Variants in SEPTIN9 observed in about 807,000 individuals in gnomAD.
The protein encoded by SEPTIN9 is septin-9.
A neutral mutation model predicts 56.6 loss-of-function variants in SEPTIN9; 13 were observed. That is an observed-to-expected ratio of 0.23 (90% CI 0.15 to 0.37). The LOEUF (loss-of-function observed/expected upper bound fraction) is 0.37. Ranked by LOEUF, SEPTIN9 falls within the 10% of genes least tolerant of loss-of-function variation. The pLI is 1.00. For synonymous variants in SEPTIN9, 332 were observed against 334.1 expected, an observed-to-expected ratio of 0.99 and a Z score of 0.07; for missense variants, 650 against 823.1, an observed-to-expected ratio of 0.79 and a Z score of 2.57.
chr17:77,422,343 G>A (rs751583877), intron 3 of SEPTIN9, among the ~76,000 whole-genome samples: 1 of 152,188 alleles, frequency 6.6e-6, no homozygotes, highest in Non-Finnish European at 1.5e-5. Flanking sequence ...ACCCAGCCTC[G>A]GGGCCAGGCG....
chr17:77,281,513 G>A lies in SEPTIN9; in HGVS notation c.-23G>A, dbSNP rs2031017401. 1 of 1,547,410 alleles carries A rather than the reference G, an allele frequency of 6.5e-7. No individual in the cohort carries two copies. Among genetic ancestry groups the A allele is most frequent in the Non-Finnish European group, 8.7e-7 (1 of 1,146,212 alleles). ...GCTGCCTCGCCGCCACACTTTCCTG[G>A]GAGCGGCGGCCACGGAGGCACCATG... On this transcript the variant is annotated 5_prime_UTR_variant, in exon 1 of 12. Transcript: ENST00000427177.
chr17:77,368,639 A>G (rs948077997), intron 2 of SEPTIN9, among the ~76,000 whole-genome samples: 4 of 152,236 alleles, frequency 2.6e-5, no homozygotes, highest in Non-Finnish European at 5.9e-5. Flanking sequence ...TATTACATAT[A>G]TTTTATCACA....
At chr17:77,357,832 A>G (rs1041342131) in intron 2 of SEPTIN9, among the ~76,000 whole-genome samples, 1 of 152,074 alleles carries the variant, frequency 6.6e-6, no homozygotes, top group African/African-American at 2.4e-5. Flanking sequence ...ACCCAGGACC[A>G]CTTCTCACAA....
intron 1 of SEPTIN9, among the ~76,000 whole-genome samples, chr17:77,283,246 T>C (rs1169270200): frequency 1.3e-5 from 2 of 151,532 alleles, no homozygotes; most frequent in Admixed American, 1.3e-4. Context: ...GAACCAACTC[T>C]TGTACAGCAG....
Position 77,493,056 on chromosome 17 carries a change from C to T in SEPTIN9, c.1553C>T (p.Thr518Ile). The T allele has an allele frequency of 6.4e-7, 1 of 1,561,324 alleles. No individual in the cohort carries two copies. Among genetic ancestry groups the T allele is most frequent in the Non-Finnish European group, 8.7e-7 (1 of 1,153,052 alleles). ...VNGKRILGRKTKWGTIEVENT... is the reference protein window; with the variant it reads ...VNGKRILGRKIKWGTIEVENT... ...GGCAAGAGGATCCTTGGGAGGAAGA[C>T]CAAGTGGGGTACCATCGAAGGTACT... Residue 518 changes from threonine to isoleucine, a missense_variant, in exon 10 of 12, where the codon ACC becomes ATC. By Grantham distance (89) the Thr-to-Ile change is moderately conservative. Around this residue, in one of 2 missense-constraint regions of SEPTIN9, gnomAD observed 333 missense variants for 494.0 expected, o/e 0.67. Coordinates refer to ENST00000427177, the MANE Select transcript of SEPTIN9 (RefSeq NM_001113491.2).
At chr17:77,357,020 A>T (rs2627208) in intron 2 of SEPTIN9, among the ~76,000 whole-genome samples, 2 of 151,360 alleles carry the variant, frequency 1.3e-5, no homozygotes, top group Non-Finnish European at 2.9e-5. Context: ...GTCCAGAAGC[A>T]TCAACCTGGT....
rs919614679 is a variant in SEPTIN9 at position 77,450,655 on chromosome 17, C to A, written c.722-31489C>A. On this transcript the variant is annotated intron_variant, in intron 3 of 11. Coordinates refer to ENST00000427177, the MANE Select transcript of SEPTIN9 (RefSeq NM_001113491.2). This position sits in a 1 kb window ranked among gnomAD's most constrained non-coding sequence, Gnocchi z 6.0. ...GCTTGTGCCCCTCTGGGTCCCAGCA[C>A]ATCCCAGGCCTGCAGGGAGGGGGAG... The A allele has an allele frequency of 1.0e-6, 1 of 985,800 alleles. No homozygotes were observed. Among genetic ancestry groups the A allele is most frequent in the Non-Finnish European group, 1.2e-6 (1 of 830,348 alleles). The allele number at this position is 985,800 out of a possible 1,614,324, so 61.1% of individuals were successfully genotyped here. A position where few individuals can be genotyped will look rare whatever the true frequency, so the allele number is the denominator to read the frequency against.
At chr17:77,461,324 A>G (rs1383163549) in intron 3 of SEPTIN9, among the ~76,000 whole-genome samples, 2 of 152,058 alleles carry the variant, frequency 1.3e-5, no homozygotes, top group African/African-American at 4.8e-5. Context: ...AAAAATAAAT[A>G]AATAAAAATA....
chr17:77,403,611 A>G (rs2035974442), intron 3 of SEPTIN9, among the ~76,000 whole-genome samples: 1 of 152,158 alleles, frequency 6.6e-6, no homozygotes, highest in African/African-American at 2.4e-5. Flanking sequence ...CCATGGGGCT[A>G]TAGTAAGGTG....
chr17:77,309,560 C>G (rs887207994), intron 2 of SEPTIN9, among the ~76,000 whole-genome samples: 1 of 152,182 alleles, frequency 6.6e-6, no homozygotes, highest in Admixed American at 6.5e-5. Flanking sequence ...CCTCCCAGCC[C>G]AGCTTCTCTG....
intron 2 of SEPTIN9, among the ~76,000 whole-genome samples, chr17:77,342,924 G>A (rs1305752274): frequency 2.0e-5 from 3 of 152,212 alleles, no homozygotes; most frequent in Middle Eastern, 3.4e-3. Context: ...GTGGTGAGCC[G>A]AGATTGCACT....
intron 2 of SEPTIN9, among the ~76,000 whole-genome samples, chr17:77,343,503 A>G (rs1348799441): frequency 1.3e-5 from 2 of 152,166 alleles, no homozygotes; most frequent in Non-Finnish European, 2.9e-5. Flanking sequence ...TAAGTCAGCA[A>G]TTTTAAGTAA....
At chr17:77,349,659 C>A (rs1278454983) in intron 2 of SEPTIN9, among the ~76,000 whole-genome samples, 1 of 152,184 alleles carries the variant, frequency 6.6e-6, no homozygotes, top group Non-Finnish European at 1.5e-5. Flanking sequence ...CCTCCAGAAA[C>A]CAGAAACTTA....
chr17:77,356,326 G>A (rs1224256570), intron 2 of SEPTIN9, among the ~76,000 whole-genome samples: 3 of 152,108 alleles, frequency 2.0e-5, no homozygotes, highest in Non-Finnish European at 4.4e-5. Context: ...GGGACTCCGG[G>A]CTGAGCTCCT....
chr17:77,328,602 G>C (rs2033235066), intron 2 of SEPTIN9, among the ~76,000 whole-genome samples: 1 of 152,176 alleles, frequency 6.6e-6, no homozygotes, highest in South Asian at 2.1e-4. Flanking sequence ...CTGACCTCAA[G>C]TGATCCACCC....
chr17:77,372,012 T>G (rs944380677), intron 2 of SEPTIN9, among the ~76,000 whole-genome samples: 2 of 150,168 alleles, frequency 1.3e-5, no homozygotes, highest in Non-Finnish European at 1.5e-5. Flanking sequence ...TCAGAGGGGG[T>G]GGGGAGGGGC....
rs55839627 is a variant in SEPTIN9, at chr17:77,310,103, T to G, written c.76+2906T>G. On this transcript the variant is annotated intron_variant, in intron 2 of 11. Coordinates refer to ENST00000427177, the MANE Select transcript of SEPTIN9 (RefSeq NM_001113491.2). The surrounding 1 kb of genome is among the most constrained non-coding windows in gnomAD (Gnocchi z 4.7). ...AAGCGATTCTTCTGCCTCAGCCTCC[T>G]CAGTAGCCAGGATTACAGGCACCCG... Among the ~76,000 whole-genome samples the G allele has an allele frequency of 6.6e-6, 1 of 151,974 alleles. No homozygotes were observed. The highest frequency in any genetic ancestry group is 1.5e-5 in the Non-Finnish European group (1 of 67,980).
intron 3 of SEPTIN9, chr17:77,466,594 G>A: frequency 1.0e-6 from 1 of 985,624 alleles, no homozygotes; most frequent in Non-Finnish European, 1.2e-6. Flanking sequence ...TCCTCGGGAG[G>A]AGGAGAAAGA....
At chr17:77,373,349 G>A in intron 2 of SEPTIN9, 3 of 1,187,108 alleles carry the variant, frequency 2.5e-6, no homozygotes, top group Non-Finnish European at 3.1e-6. Flanking sequence ...TCATTCAGCT[G>A]AGCCAGGGGG....
Sources: gnomAD v4.1 joint callset for allele counts (sites outside exome capture counted in the v4.1 genomes callset) on GRCh38, gnomAD v4.1.1 for gene constraint, gnomAD v4.1.1 regional missense constraint, Gnocchi (gnomAD v3.1) non-coding constraint, MANE v1.5 for transcripts, NCBI Gene and HGNC (gene_info 2026-07-23, HGNC 2026-07-21) for gene names.